The following SLC16A1 variants were observed in gnomAD, a reference collection of about 807,000 sequenced individuals.
The protein encoded by SLC16A1 is solute carrier family 16 member 1, also known as monocarboxylate transporter 1.
A neutral mutation model predicts 32.2 loss-of-function variants in SLC16A1; 11 were observed. The observed-to-expected ratio is 0.34, with a 90% CI of 0.21 to 0.56. The LOEUF (loss-of-function observed/expected upper bound fraction) is 0.56. Among genes scored for constraint, SLC16A1 ranks in the 20% least tolerant of loss-of-function variants. The probability of loss-of-function intolerance (pLI) is 0.87; values close to 1 mark genes in which losing one functional copy is unlikely to be tolerated. For synonymous variants in SLC16A1, 231 were observed against 226.8 expected (o/e 1.02, Z -0.17); for missense variants, 435 against 615.0 (o/e 0.71, Z 3.10).
intron 1 of SLC16A1, among the ~76,000 whole-genome samples, chr1:112,934,033 C>A (rs950651287): frequency 6.6e-6 from 1 of 151,834 alleles, no homozygotes; most frequent in South Asian, 2.1e-4. Flanking sequence ...CTGATGCATG[C>A]GATAACATGG....
intron 2 of SLC16A1, 63 bp downstream of exon 2, chr1:112,929,029 C>T (rs1300067867): frequency 1.8e-5 from 21 of 1,141,466 alleles, no homozygotes; most frequent in Non-Finnish European, 2.7e-5. Context: ...TTTAAAGTTA[C>T]CTAATACAGA....
In SLC16A1 at chr1:112,917,359, T is replaced by G. The variant is rs1043148875; in HGVS notation, c.1047A>C (p.Leu349Phe). The G allele has an allele frequency of 6.2e-7, 1 of 1,613,976 alleles. No homozygotes were observed. Among genetic ancestry groups the G allele is most frequent in the African/African-American group, 1.3e-5 (1 of 74,894 alleles). ...ANGVCHMLAP[L>F]STTYVGFCVY... ...CACAGAATCCAACATAGGTAGTGGA[T>G]AAAGGTGCTAGCATATGACACACTC... Residue 349 changes from leucine (L) to phenylalanine (F), a missense_variant, in exon 4 of 5, where the codon TTA (leucine) becomes TTC (phenylalanine). Physicochemically the swap from Leu to Phe is conservative, Grantham distance 22. This residue lies in a region of SLC16A1 where 324 missense variants were observed against 500.3 expected (regional missense o/e 0.65). Transcript: ENST00000369626. The surrounding 1 kb of genome is among the most constrained non-coding windows in gnomAD (Gnocchi z 4.1).
At chr1:112,932,312 A>T (rs556129627) in intron 1 of SLC16A1, among the ~76,000 whole-genome samples, 1 of 152,248 alleles carries the variant, frequency 6.6e-6, no homozygotes, top group South Asian at 2.1e-4. Context: ...ATGTAGGAGA[A>T]TCGTTTGAGG....
chr1:112,927,788 T>C (rs1648992358), intron 2 of SLC16A1, among the ~76,000 whole-genome samples: 1 of 152,222 alleles, frequency 6.6e-6, no homozygotes, highest in Admixed American at 6.5e-5. Flanking sequence ...TGACATCACT[T>C]ACTTTTGATG....
intron 1 of SLC16A1, among the ~76,000 whole-genome samples, chr1:112,950,355 T>G (rs899680165): frequency 6.6e-6 from 1 of 152,190 alleles, no homozygotes; most frequent in Non-Finnish European, 1.5e-5. Context: ...ACCACAGCAG[T>G]GTATAGACTT....
Position 112,912,825 on chromosome 1 carries a change from A to C in SLC16A1, c.*1066T>G, listed in dbSNP as rs927546585. 2 of 152,012 alleles carry C rather than the reference A, an allele frequency of 1.3e-5. No homozygotes were observed. Among genetic ancestry groups the C allele is most frequent in the South Asian group, 4.1e-4 (2 of 4,826 alleles). The allele number at this position is 152,012 out of a possible 1,614,324, so 9.4% of individuals were successfully genotyped here. On this transcript the variant is annotated 3_prime_UTR_variant, in exon 5 of 5. Transcript: ENST00000369626. ...AACCTTAAAAAAAAAAAAACAAAAAAACAAAAACACCAAACACACACATAT... is the reference window on the plus strand; with the variant it reads ...AACCTTAAAAAAAAAAAAACAAAAACACAAAAACACCAAACACACACATAT...
intron 3 of SLC16A1, among the ~76,000 whole-genome samples, chr1:112,919,771 C>A (rs1648652385): frequency 6.6e-6 from 1 of 152,184 alleles, no homozygotes; most frequent in Non-Finnish European, 1.5e-5. Flanking sequence ...GGTCTATGAT[C>A]CCTTACATTT....
intron 2 of SLC16A1, among the ~76,000 whole-genome samples, chr1:112,927,288 G>A (rs1464616153): frequency 6.6e-6 from 1 of 151,580 alleles, no homozygotes; most frequent in African/African-American, 2.4e-5. Flanking sequence ...ATACTTTCAT[G>A]TTTAAAAAAA....
Position 112,917,038 on chromosome 1 carries a change from T to G in SLC16A1, c.1228+140A>C. ...TTGAGCAATTATGCTGTGCCAAGCA[T>G]TGTCCCAGCATCAAGGGTACATAAA... On this transcript the variant is annotated intron_variant, in intron 4 of 4. Transcript: ENST00000369626. The surrounding 1 kb of genome is among the most constrained non-coding windows in gnomAD (Gnocchi z 4.1). The G allele has an allele frequency of 9.3e-7, 1 of 1,076,972 alleles. No homozygotes were observed. The highest frequency in any genetic ancestry group is 1.4e-6 in the Non-Finnish European group (1 of 724,014). The allele number at this position is 1,076,972 out of a possible 1,614,324, so 66.7% of individuals were successfully genotyped here. A position where few individuals can be genotyped will look rare whatever the true frequency, so the allele number is the denominator to read the frequency against.
chr1:112,919,215 T>C (rs1648628489), intron 3 of SLC16A1, among the ~76,000 whole-genome samples: 1 of 151,860 alleles, frequency 6.6e-6, no homozygotes, highest in South Asian at 2.1e-4. Flanking sequence ...TTTGTATTTT[T>C]AGTAGAGACG....
At chr1:112,949,750 G>A (rs1045646993) in intron 1 of SLC16A1, among the ~76,000 whole-genome samples, 3 of 151,476 alleles carry the variant, frequency 2.0e-5, no homozygotes, top group African/African-American at 7.3e-5. Flanking sequence ...ATGCTGCCCA[G>A]TCTGCTCTTG....
intron 1 of SLC16A1, among the ~76,000 whole-genome samples, chr1:112,936,163 T>C (rs1379230005): frequency 6.6e-6 from 1 of 152,216 alleles, no homozygotes; most frequent in African/African-American, 2.4e-5. Context: ...AATAAATGTG[T>C]TGATACACAT....
intron 1 of SLC16A1, among the ~76,000 whole-genome samples, chr1:112,952,954 T>C (rs1271787484): frequency 6.6e-6 from 1 of 152,146 alleles, no homozygotes; most frequent in Non-Finnish European, 1.5e-5. Context: ...GTCTCTGACT[T>C]TCCCAGTCTC....
At chr1:112,922,350 G>A in intron 2 of SLC16A1, 2 of 576,638 alleles carry the variant, frequency 3.5e-6, no homozygotes, top group African/African-American at 1.9e-5. Flanking sequence ...AATACTGGAT[G>A]GAATTTTACT....
Position 112,917,912 on chromosome 1 carries a change from T to C in SLC16A1, c.494A>G (p.Asn165Ser), listed in dbSNP as rs1001233585. 4 of 1,606,346 alleles carry C rather than the reference T, an allele frequency of 2.5e-6. No homozygotes were observed. The highest frequency in any genetic ancestry group is 1.7e-6 in the Non-Finnish European group (2 of 1,176,766). The change falls in exon 4 of 5, where the codon AAT becomes AGT. Residue 165 changes from asparagine (N) to serine (S), a missense_variant. Physicochemically the swap from Asn to Ser is conservative, Grantham distance 46. Transcript: ENST00000369626. This position sits in a 1 kb window ranked among gnomAD's most constrained non-coding sequence, Gnocchi z 4.1. ...TCCAAAGATACCGAAGAAAACCTGA[T>C]TGAGGGGGGCCAGAGTACAGAGGAA... ...PVFLCTLAPL[N>S]QVFFGIFGWR...
intron 1 of SLC16A1, among the ~76,000 whole-genome samples, chr1:112,950,770 G>C (rs765088647): frequency 8.5e-5 from 13 of 152,230 alleles, no homozygotes; most frequent in Non-Finnish European, 1.5e-4. Context: ...GCCAAGGCAG[G>C]AGGATGGCTT....
intron 2 of SLC16A1, among the ~76,000 whole-genome samples, chr1:112,926,209 T>C (rs1486184119): frequency 6.6e-6 from 1 of 152,210 alleles, no homozygotes; most frequent in Non-Finnish European, 1.5e-5. Context: ...TATGTATATA[T>C]ACATAAGATA....
chr1:112,932,152 TCACCACTTATA>T (rs1287886541), intron 1 of SLC16A1, among the ~76,000 whole-genome samples: 4 of 152,160 alleles, frequency 2.6e-5, no homozygotes, highest in Admixed American at 1.3e-4. Flanking sequence ...AAGGATATAC[TCACCACTTATA>T]CACAACATTC....
At chr1:112,919,802 T>C (rs562933602) in intron 3 of SLC16A1, among the ~76,000 whole-genome samples, 7 of 152,324 alleles carry the variant, frequency 4.6e-5, no homozygotes, top group Non-Finnish European at 8.8e-5. Flanking sequence ...GGTTCCCTGT[T>C]GTTATGCAGG....
Sources: gnomAD v4.1 joint callset for allele counts (sites outside exome capture counted in the v4.1 genomes callset) on GRCh38, gnomAD v4.1.1 for gene constraint, gnomAD v4.1.1 regional missense constraint, Gnocchi (gnomAD v3.1) non-coding constraint, MANE v1.5 for transcripts, NCBI Gene and HGNC (gene_info 2026-07-23, HGNC 2026-07-21) for gene names.